SSH1: variants seen among roughly 807,000 people sequenced by gnomAD.
SSH1 encodes the protein slingshot protein phosphatase 1, also known as protein phosphatase Slingshot homolog 1.
Under a neutral mutation model 79.7 loss-of-function variants are expected in SSH1, and 43 were observed. That is an observed-to-expected ratio of 0.54 (90% CI 0.42 to 0.70). The LOEUF (loss-of-function observed/expected upper bound fraction) is 0.70. Ranked by LOEUF, SSH1 falls within the 30% of genes least tolerant of loss-of-function variation. The pLI is 0.00. For synonymous variants in SSH1, 599 were observed against 538.3 expected (o/e 1.11, Z -1.56); for missense variants, 1,206 against 1,358.8 (o/e 0.89, Z 1.77).
At chr12:108,821,534 G>A (rs1030423148) in intron 3 of SSH1, among the ~76,000 whole-genome samples, 9 of 152,018 alleles carry the variant, frequency 5.9e-5, no homozygotes, top group African/African-American at 1.9e-4. Context: ...TATGTTACAC[G>A]CATAACTCTA....
At position 108,807,767 on chromosome 12, in the gene SSH1, G is replaced by T; in HGVS notation, c.597C>A (p.Pro199=). 7 of 1,613,858 alleles carry T rather than the reference G, an allele frequency of 4.3e-6. No individual in the cohort carries two copies. Among genetic ancestry groups the T allele is most frequent in the Non-Finnish European group, 5.9e-6 (7 of 1,179,886 alleles). Residue 199 remains proline, a synonymous_variant, in exon 8 of 15, where the codon CCC becomes CCA. Transcript: ENST00000326495. The surrounding 1 kb of genome is among the most constrained non-coding windows in gnomAD (Gnocchi z 5.2). ...TAGCCCAGATGAGAGCTACACCCCC[G>T]GGGAAGTAGTTGTGCCTCCGGGCCA... ...CEVARRHNYF[P]GGVALIWATY... is the part of the protein sequence containing the mutation.
At chr12:108,815,207 A>C (rs2037828368) in intron 5 of SSH1, among the ~76,000 whole-genome samples, 1 of 152,166 alleles carries the variant, frequency 6.6e-6, no homozygotes, top group Admixed American at 6.5e-5. Context: ...CCGGCCACTA[A>C]CCGGGATGAC....
intron 10 of SSH1, among the ~76,000 whole-genome samples, chr12:108,803,062 T>G (rs1347052672): frequency 7.6e-6 from 1 of 132,156 alleles, no homozygotes; most frequent in Non-Finnish European, 1.6e-5. Context: ...AAAAAAAATT[T>G]TAAGAGAGGA....
intron 2 of SSH1, among the ~76,000 whole-genome samples, chr12:108,850,921 A>C (rs982715470): frequency 3.3e-5 from 5 of 151,752 alleles, no homozygotes; most frequent in African/African-American, 1.2e-4. Context: ...TGAGGTGGGC[A>C]AGCCCCTCTT....
At chr12:108,820,904 C>T (rs756977183) in intron 3 of SSH1, among the ~76,000 whole-genome samples, 2 of 152,236 alleles carry the variant, frequency 1.3e-5, no homozygotes, top group Non-Finnish European at 2.9e-5. Context: ...CTCCAGACCT[C>T]AGGGCACAAG....
chr12:108,799,092 T>C lies in SSH1; in HGVS notation c.1257A>G (p.Ala419=). Residue 419 remains alanine, a synonymous_variant, in exon 13 of 15, where the codon GCA becomes GCG. Transcript: ENST00000326495. ...MKEFGWPLEK[A]YNYVKQKRSI... ...TGCGCTTCTGCTTTACATAGTTATA[T>C]GCTTTTTCCAGAGGCCAGCCGAATT... 1 of 1,614,236 alleles carries C rather than the reference T, an allele frequency of 6.2e-7. No individual in the cohort carries two copies. Among genetic ancestry groups the C allele is most frequent in the Non-Finnish European group, 8.5e-7 (1 of 1,180,050 alleles).
chr12:108,815,942 T>C (rs576360365), intron 5 of SSH1, among the ~76,000 whole-genome samples: 2 of 152,336 alleles, frequency 1.3e-5, no homozygotes, highest in East Asian at 1.9e-4. Context: ...GAAGCTCTCA[T>C]GGGAACAAGA....
At chr12:108,832,425 C>T (rs1244885332) in intron 2 of SSH1, among the ~76,000 whole-genome samples, 4 of 151,596 alleles carry the variant, frequency 2.6e-5, no homozygotes, top group Admixed American at 2.0e-4. Flanking sequence ...TGAAAAAGTT[C>T]GGTGCTCTTC....
At chr12:108,828,959 C>A (rs187921267) in intron 2 of SSH1, among the ~76,000 whole-genome samples, 4 of 152,116 alleles carry the variant, frequency 2.6e-5, no homozygotes, top group African/African-American at 9.7e-5. Flanking sequence ...GAAGGAAGCC[C>A]GTCAACAATT....
chr12:108,807,737 G>C lies in SSH1; in HGVS notation c.627C>G (p.Tyr209Ter), dbSNP rs780501247. The C allele has an allele frequency of 6.2e-7, 1 of 1,613,568 alleles. No individual in the cohort carries two copies. The highest frequency in any genetic ancestry group is 2.2e-5 in the East Asian group (1 of 44,834). ...PGGVALIWAT[Y>*]YESCISSEQS... ...GCTCGGAGCTGATGCAGCTCTCATA[G>C]TAGGTAGCCCAGATGAGAGCTACAC... Residue 209 changes from tyrosine to a stop codon, truncating the protein, a stop_gained, in exon 8 of 15, where the codon TAC (tyrosine) becomes TAG (stop). Coordinates refer to ENST00000326495, the MANE Select transcript of SSH1 (RefSeq NM_018984.4). LOFTEE classifies it high-confidence loss of function. The surrounding 1 kb of genome is among the most constrained non-coding windows in gnomAD (Gnocchi z 5.2).
chr12:108,825,283 A>G lies in SSH1; in HGVS notation c.111-1922T>C, dbSNP rs569110332. ...CGAAGATGTTTTCTGTAATACAAGA[A>G]AGCAAGATCACCTTTGCCCCAGACA... On this transcript the variant is annotated intron_variant, in intron 2 of 14. Transcript: ENST00000326495. 3.9e-5 allele frequency among the ~76,000 whole-genome samples: 6 copies of G among 152,356 alleles called. No individual in the cohort carries two copies. The South Asian group carries it at 1.2e-3, about 32-fold the overall frequency.
At chr12:108,797,675 G>A (rs576944576) in intron 13 of SSH1, among the ~76,000 whole-genome samples, 75 of 152,292 alleles carry the variant, frequency 4.9e-4, no homozygotes, top group African/African-American at 1.6e-3. Flanking sequence ...GAGGCTGGAC[G>A]AGGCAGAGAG....
At chr12:108,801,248 A>G (rs1035317) in intron 11 of SSH1, among the ~76,000 whole-genome samples, 70,167 of 152,052 alleles carry the variant, frequency 0.46, 16,774 homozygotes, top group East Asian at 0.76. Context: ...ACTATTATGA[A>G]TATACAGAGG....
At position 108,806,304 on chromosome 12, in the gene SSH1, T is replaced by G; in HGVS notation, c.822A>C (p.Lys274Asn). Residue 274 changes from lysine (K) to asparagine (N), a missense_variant, in exon 9 of 15, where the codon AAA becomes AAC. Transcript: ENST00000326495. The part of the protein sequence containing the change: ...MSQDLENVTS[K>N]EIRNELEKQM... ...ATGAAGGGAGGAGTTGTCTTACCTCTTTGGAAGTCACATTTTCTAGATCCT... is the reference window on the plus strand; with the variant it reads ...ATGAAGGGAGGAGTTGTCTTACCTCGTTGGAAGTCACATTTTCTAGATCCT... 6.2e-7 allele frequency: 1 copy of G among 1,614,062 alleles called. No individual in the cohort carries two copies. The highest frequency in any genetic ancestry group is 8.5e-7 in the Non-Finnish European group (1 of 1,179,972).
At position 108,847,006 on chromosome 12, in the gene SSH1, C is replaced by G. The variant is rs111422527; in HGVS notation, c.110+5632G>C. Among the ~76,000 whole-genome samples the G allele has an allele frequency of 3.9e-3, 594 of 152,244 alleles. 6 individuals are homozygous for G. The highest frequency in any genetic ancestry group is 0.014 in the African/African-American group (565 of 41,540). On this transcript the variant is annotated intron_variant, in intron 2 of 14. Transcript: ENST00000326495. ...CGACCTCCTGGGTTCAAGTGATTCT[C>G]CTACCTCAACCTCTTGAGTAGCTGG... is the stretch of plus-strand genomic sequence containing the variant.
chr12:108,793,113 T>G (rs1374092947), intron 13 of SSH1, among the ~76,000 whole-genome samples: 1 of 152,232 alleles, frequency 6.6e-6, no homozygotes, highest in Non-Finnish European at 1.5e-5. Flanking sequence ...TAGACTTCAA[T>G]CTGTGTATCT....
At chr12:108,815,278 C>T (rs1193132715) in intron 5 of SSH1, among the ~76,000 whole-genome samples, 1 of 152,210 alleles carries the variant, frequency 6.6e-6, no homozygotes, top group African/African-American at 2.4e-5. Flanking sequence ...TCTGAGGTAG[C>T]ACTACCCACC....
At chr12:108,844,243 C>T (rs370889689) in intron 2 of SSH1, among the ~76,000 whole-genome samples, 33 of 151,916 alleles carry the variant, frequency 2.2e-4, no homozygotes, top group African/African-American at 7.2e-4. Flanking sequence ...AACCCATGCC[C>T]ATCCCTCCCT....
At chr12:108,825,456 T>C (rs2038276630) in intron 2 of SSH1, among the ~76,000 whole-genome samples, 1 of 152,242 alleles carries the variant, frequency 6.6e-6, no homozygotes, top group African/African-American at 2.4e-5. Context: ...TGTTCTATGA[T>C]ATAAAGTCCA....
Sources: gnomAD v4.1 joint callset for allele counts (sites outside exome capture counted in the v4.1 genomes callset) on GRCh38, gnomAD v4.1.1 for gene constraint, Gnocchi (gnomAD v3.1) non-coding constraint, MANE v1.5 for transcripts, NCBI Gene and HGNC (gene_info 2026-07-23, HGNC 2026-07-21) for gene names.